ACTR3C: variants seen among roughly 807,000 people sequenced by gnomAD.
The protein encoded by ACTR3C is actin related protein 3C, also known as actin-related protein 3C.
Under a neutral mutation model 26.3 loss-of-function variants are expected in ACTR3C, and 18 were observed. The ratio of observed to expected loss-of-function variants is 0.68; its 90% CI spans 0.47 to 1.01. ACTR3C has a LOEUF of 1.01. Among genes scored for constraint, ACTR3C ranks in the 50% least tolerant of loss-of-function variants. The probability of loss-of-function intolerance (pLI) is 0.00; values close to 1 mark genes in which losing one functional copy is unlikely to be tolerated. For missense variants in ACTR3C, 184 were observed against 250.7 expected, an observed-to-expected ratio of 0.73 and a Z score of 1.80; for synonymous variants, 55 against 94.5, an observed-to-expected ratio of 0.58 and a Z score of 2.42.
the ACTR3C span, among the ~76,000 whole-genome samples, chr7:150,194,270 ATAT>A: frequency 6.8e-6 from 1 of 146,248 alleles, no homozygotes; most frequent in African/African-American, 2.5e-5. Context: ...TTTCTTTTAT[ATAT>A]TATTATATAA....
At chr7:150,260,678 T>A (rs1292358574) in intron 6 of ACTR3C, among the ~76,000 whole-genome samples, 2 of 152,248 alleles carry the variant, frequency 1.3e-5, no homozygotes, top group Admixed American at 1.3e-4. Flanking sequence ...GGGGTCTGCG[T>A]GATCATCTTC....
the ACTR3C span, among the ~76,000 whole-genome samples, chr7:150,165,486 G>A: frequency 6.6e-6 from 1 of 151,200 alleles, no homozygotes; most frequent in Non-Finnish European, 1.5e-5. Flanking sequence ...TTCTTGGGGA[G>A]AAGTTCCACA....
the ACTR3C span, among the ~76,000 whole-genome samples, chr7:150,155,288 A>G: frequency 1.3e-5 from 2 of 152,106 alleles, no homozygotes; most frequent in African/African-American, 2.4e-5. Flanking sequence ...CTTTGTTTTC[A>G]GTCCCTCTGA....
At chr7:150,109,877 CTT>C in the ACTR3C span, among the ~76,000 whole-genome samples, 1 of 144,700 alleles carries the variant, frequency 6.9e-6, no homozygotes, top group Non-Finnish European at 1.5e-5. Context: ...CCTTCGTCCT[CTT>C]TTCTTCAATG....
the ACTR3C span, among the ~76,000 whole-genome samples, chr7:149,977,338 T>C: frequency 6.6e-6 from 1 of 152,178 alleles, no homozygotes; most frequent in Non-Finnish European, 1.5e-5. Flanking sequence ...GGACCCAAGA[T>C]AGCCACCAGA....
the ACTR3C span, among the ~76,000 whole-genome samples, chr7:150,195,299 C>A: frequency 6.6e-6 from 1 of 151,564 alleles, no homozygotes; most frequent in Non-Finnish European, 1.5e-5. Context: ...TCTTTTGGAG[C>A]AATTAGGTAT....
the ACTR3C span, among the ~76,000 whole-genome samples, chr7:150,129,899 T>C: frequency 6.6e-6 from 1 of 152,084 alleles, no homozygotes; most frequent in Non-Finnish European, 1.5e-5. Flanking sequence ...AGGAAGAAAA[T>C]CTGAAGACTT....
the ACTR3C span, among the ~76,000 whole-genome samples, chr7:149,925,518 T>C: frequency 6.6e-6 from 1 of 152,214 alleles, no homozygotes; most frequent in South Asian, 2.1e-4. Flanking sequence ...AACAGACCAA[T>C]AGACTAACAC....
chr7:149,907,478 T>TTCTCTCTCTCTCTCTCTCTCTCTC, the ACTR3C span, among the ~76,000 whole-genome samples: 1 of 97,602 alleles, frequency 1.0e-5, no homozygotes, highest in African/African-American at 3.6e-5. Flanking sequence ...CTCTCTTCTC[T>TTCTCTCTCTCTCTCTCTCTCTCTC]TCTCTCTCTC....
the ACTR3C span, among the ~76,000 whole-genome samples, chr7:150,034,949 G>A: frequency 8.1e-4 from 118 of 146,532 alleles, 4 homozygotes; most frequent in Admixed American, 3.7e-3. Flanking sequence ...GGCGGAAGAG[G>A]GGATAACTCT....
the ACTR3C span, among the ~76,000 whole-genome samples, chr7:150,088,694 T>A: frequency 6.6e-6 from 1 of 152,346 alleles, no homozygotes; most frequent in African/African-American, 2.4e-5. Context: ...TGTTCTATCA[T>A]TTTGTACAGT....
the ACTR3C span, among the ~76,000 whole-genome samples, chr7:150,067,016 TG>T: frequency 3.3e-5 from 5 of 152,206 alleles, no homozygotes; most frequent in African/African-American, 1.2e-4. Context: ...GGGCAACTGC[TG>T]GTCTAGCTTA....
At chr7:150,250,364 C>T (rs542269325) in intron 6 of ACTR3C, among the ~76,000 whole-genome samples, 65 of 151,780 alleles carry the variant, frequency 4.3e-4, no homozygotes, top group African/African-American at 1.5e-3. Flanking sequence ...CCACTACACC[C>T]GGCTAATTTT....
chr7:150,155,524 G>A, the ACTR3C span, among the ~76,000 whole-genome samples: 6 of 152,098 alleles, frequency 3.9e-5, no homozygotes, highest in South Asian at 2.1e-4. Flanking sequence ...AACACACAAC[G>A]TTTACATAAG....
At chr7:150,305,537 G>A (rs2531010) in intron 1 of ACTR3C, among the ~76,000 whole-genome samples, 2 of 152,182 alleles carry the variant, frequency 1.3e-5, no homozygotes, top group Admixed American at 6.5e-5. Flanking sequence ...GGTCCTCAGA[G>A]TCACCACGCC....
the ACTR3C span, among the ~76,000 whole-genome samples, chr7:150,167,402 C>T: frequency 1.3e-5 from 2 of 150,810 alleles, no homozygotes; most frequent in African/African-American, 2.5e-5. Context: ...CTATTTCCTA[C>T]AGCCCATGGT....
the ACTR3C span, among the ~76,000 whole-genome samples, chr7:149,938,647 G>C: frequency 6.6e-6 from 1 of 152,124 alleles, no homozygotes; most frequent in Non-Finnish European, 1.5e-5. Context: ...AAAGAAAATG[G>C]GGGTTGGGTA....
At chr7:149,898,195 C>T in the ACTR3C span, among the ~76,000 whole-genome samples, 1 of 152,138 alleles carries the variant, frequency 6.6e-6, no homozygotes, top group South Asian at 2.1e-4. Flanking sequence ...TGGGCCACGA[C>T]GACTGAGGTG....
chr7:150,139,664 C>T, the ACTR3C span, among the ~76,000 whole-genome samples: 1 of 152,278 alleles, frequency 6.6e-6, no homozygotes, highest in African/African-American at 2.4e-5. Flanking sequence ...GGGATAATCA[C>T]ATGTATGGAA....
Sources: allele counts gnomAD v4.1 joint callset (sites outside exome capture counted in the v4.1 genomes callset), GRCh38; gene constraint gnomAD v4.1.1; transcripts MANE v1.5; gene names NCBI Gene and HGNC (gene_info 2026-07-23, HGNC 2026-07-21).